The following GRID2 variants were observed in gnomAD, a reference collection of about 807,000 sequenced individuals.
The protein encoded by GRID2 is glutamate ionotropic receptor delta type subunit 2, also known as glutamate receptor ionotropic, delta-2.
GRID2 carries 33 observed loss-of-function variants against 114.8 expected under a neutral mutation model. The ratio of observed to expected loss-of-function variants is 0.29; its 90% confidence interval spans 0.22 to 0.38. The LOEUF is 0.38. GRID2 is among the 10% of genes least tolerant of loss of function. The pLI is 1.00. For missense variants in GRID2, 1,184 were observed against 1,257.7 expected (o/e 0.94, Z 0.89); for synonymous variants, 505 against 449.9 (o/e 1.12, Z -1.55).
At chr4:92,700,479 GA>G (rs1479700352) in intron 2 of GRID2, among the ~76,000 whole-genome samples, 1 of 152,116 alleles carries the variant, frequency 6.6e-6, no homozygotes, top group Non-Finnish European at 1.5e-5. Flanking sequence ...ATCATAGGGG[GA>G]AATGTGCATA....
chr4:93,386,378 A>C (rs1174018043), intron 8 of GRID2, among the ~76,000 whole-genome samples: 1 of 152,174 alleles, frequency 6.6e-6, no homozygotes, highest in East Asian at 1.9e-4. Flanking sequence ...AATAATATCT[A>C]ATGACTGGCA....
intron 14 of GRID2, among the ~76,000 whole-genome samples, chr4:93,750,769 AG>A (rs1054555919): frequency 9.9e-5 from 15 of 152,162 alleles, no homozygotes; most frequent in African/African-American, 3.6e-4. Context: ...AAAAACAAAA[AG>A]GTGGTCTTGA....
intron 2 of GRID2, among the ~76,000 whole-genome samples, chr4:92,593,393 G>C (rs1245347059): frequency 6.6e-6 from 1 of 151,800 alleles, no homozygotes; most frequent in Non-Finnish European, 1.5e-5. Context: ...TCTTTCTACT[G>C]TTATCACTTA....
chr4:93,128,060 C>CAA (rs752622895), intron 4 of GRID2, among the ~76,000 whole-genome samples: 10 of 68,902 alleles, frequency 1.5e-4, no homozygotes, highest in Middle Eastern at 0.01. Context: ...AAAAAAAAAA[C>CAA]AACAGTACGT....
At chr4:93,322,038 C>CT (rs1292434685) in intron 8 of GRID2, among the ~76,000 whole-genome samples, 8 of 149,686 alleles carry the variant, frequency 5.3e-5, no homozygotes, top group South Asian at 2.1e-4. Flanking sequence ...TTTCTTATTT[C>CT]TTTTTTTTTC....
intron 8 of GRID2, among the ~76,000 whole-genome samples, chr4:93,342,139 C>T (rs1040863128): frequency 6.6e-6 from 1 of 152,256 alleles, no homozygotes; most frequent in South Asian, 2.1e-4. Context: ...AAAAACTCTT[C>T]GGTGATAGCA....
Position 92,304,433 on chromosome 4 carries a change from C to T in GRID2, c.-224C>T, listed in dbSNP as rs1007733941. On this transcript the variant is annotated 5_prime_UTR_variant, in exon 1 of 16. Transcript: ENST00000282020. The stretch of plus-strand genomic sequence containing the variant: ...CTCTGGCGATGCCAAAATTCCCCTC[C>T]AAGTGACACGGCTTTGCGAAGGAGG... 3.4e-6 allele frequency: 2 copies of T among 588,146 alleles called. No homozygotes were observed. The highest frequency in any genetic ancestry group is 2.1e-5 in the South Asian group (1 of 48,612). The allele number at this position is 588,146 out of a possible 1,614,324, so 36.4% of individuals were successfully genotyped here.
At chr4:93,771,413 G>T (rs1028791176) in intron 15 of GRID2, among the ~76,000 whole-genome samples, 3 of 152,140 alleles carry the variant, frequency 2.0e-5, no homozygotes, top group Non-Finnish European at 4.4e-5. Flanking sequence ...ACTTGAAGGG[G>T]TCCCTAAATA....
chr4:93,236,822 A>T (rs1746852853), intron 7 of GRID2, among the ~76,000 whole-genome samples: 1 of 152,104 alleles, frequency 6.6e-6, no homozygotes, highest in African/African-American at 2.4e-5. Flanking sequence ...AGCGTATAAT[A>T]ATTTTTGGCA....
At chr4:93,264,736 A>G (rs1453190488) in intron 8 of GRID2, among the ~76,000 whole-genome samples, 3 of 119,552 alleles carry the variant, frequency 2.5e-5, no homozygotes, top group Non-Finnish European at 3.4e-5. Flanking sequence ...CATTTGAATT[A>G]TATATATATA....
At chr4:93,204,737 C>T (rs1450157078) in intron 4 of GRID2, among the ~76,000 whole-genome samples, 1 of 152,192 alleles carries the variant, frequency 6.6e-6, no homozygotes, top group Admixed American at 6.5e-5. Context: ...CTCTTACCTT[C>T]TACTTAGTCC....
chr4:92,922,327 A>C (rs989809260), intron 2 of GRID2, among the ~76,000 whole-genome samples: 2 of 152,050 alleles, frequency 1.3e-5, no homozygotes, highest in African/African-American at 4.8e-5. Flanking sequence ...GCTTCGGCTC[A>C]TGTTTGGTGC....
chr4:92,709,704 T>C (rs1219867144), intron 2 of GRID2, among the ~76,000 whole-genome samples: 1 of 151,730 alleles, frequency 6.6e-6, no homozygotes, highest in Non-Finnish European at 1.5e-5. Flanking sequence ...TTAAGTCTTT[T>C]CCTTAAGACA....
At chr4:92,920,365 T>G (rs1037055648) in intron 2 of GRID2, among the ~76,000 whole-genome samples, 1 of 152,220 alleles carries the variant, frequency 6.6e-6, no homozygotes, top group Non-Finnish European at 1.5e-5. Context: ...TTCATATTGT[T>G]ATGTGTGAAT....
chr4:93,169,249 A>G lies in GRID2; in HGVS notation c.736-38155A>G, dbSNP rs916909240. 7.2e-5 allele frequency among the ~76,000 whole-genome samples: 11 copies of G among 152,124 alleles called. No homozygotes were observed. In the South Asian group the frequency reaches 2.3e-3, roughly 32 times the overall value. On this transcript the variant is annotated intron_variant, in intron 4 of 15. Transcript: ENST00000282020. ...TTATTGCCTATTTTTGAGCACACAA[A>G]CCAGAAATATGTGTCTTTATTGATG...
intron 13 of GRID2, among the ~76,000 whole-genome samples, chr4:93,616,299 A>G (rs1185879517): frequency 6.6e-6 from 1 of 151,964 alleles, no homozygotes; most frequent in African/African-American, 2.4e-5. Context: ...ATTTCAGCAC[A>G]TTGGGAAGCC....
intron 1 of GRID2, among the ~76,000 whole-genome samples, chr4:92,348,032 T>C (rs538908870): frequency 6.6e-6 from 1 of 152,336 alleles, no homozygotes; most frequent in South Asian, 2.1e-4. Flanking sequence ...CATAGTTCAC[T>C]GCAACCTCTA....
chr4:93,465,163 A>G (rs1473225144), intron 11 of GRID2, among the ~76,000 whole-genome samples: 2 of 152,194 alleles, frequency 1.3e-5, no homozygotes, highest in South Asian at 2.1e-4. Flanking sequence ...CACCACGAAC[A>G]TGGAATTCAC....
At chr4:93,111,387 G>T (rs905812763) in intron 4 of GRID2, among the ~76,000 whole-genome samples, 1 of 152,124 alleles carries the variant, frequency 6.6e-6, no homozygotes, top group Admixed American at 6.6e-5. Context: ...AACATATACA[G>T]ATTTATATCT....
Sources: allele counts gnomAD v4.1 joint callset (sites outside exome capture counted in the v4.1 genomes callset), GRCh38; gene constraint gnomAD v4.1.1; transcripts MANE v1.5; gene names NCBI Gene and HGNC (gene_info 2026-07-23, HGNC 2026-07-21).